The following RAPGEF2 variants were observed in gnomAD, a reference collection of about 807,000 sequenced individuals.
The protein encoded by RAPGEF2 is Rap guanine nucleotide exchange factor 2, also known as PDZ domain containing guanine nucleotide exchange factor (GEF) 1.
A neutral mutation model predicts 186.7 loss-of-function variants in RAPGEF2; 54 were observed. The observed-to-expected ratio is 0.29, with a 90% CI of 0.23 to 0.36. The LOEUF is 0.36. Ranked by LOEUF, RAPGEF2 falls within the 10% of genes least tolerant of loss-of-function variation. The pLI, the probability that RAPGEF2 is intolerant of heterozygous loss-of-function variation, is 1.00. For missense variants in RAPGEF2, 1,532 were observed against 2,045.0 expected, an observed-to-expected ratio of 0.75 and a Z score of 4.84; for synonymous variants, 712 against 705.9, an observed-to-expected ratio of 1.01 and a Z score of -0.14.
At chr4:159,326,763 C>T (rs1009307889) in intron 11 of RAPGEF2, 4 of 152,344 alleles carry the variant, frequency 2.6e-5, no homozygotes, top group Non-Finnish European at 4.4e-5. Flanking sequence ...TTTCTTTTTC[C>T]CTTCTCCTGT....
At chr4:159,147,554 A>G (rs1743079249) in intron 1 of RAPGEF2, among the ~76,000 whole-genome samples, 1 of 152,248 alleles carries the variant, frequency 6.6e-6, no homozygotes, top group Non-Finnish European at 1.5e-5. Flanking sequence ...TTAAATATTT[A>G]TAATGAATAG....
In RAPGEF2 at chr4:159,348,286, A is replaced by ATG. The variant is rs1561330238; in HGVS notation, c.3712+1288_3712+1289insTG. Among the ~76,000 whole-genome samples the ATG allele has an allele frequency of 1.7e-4, 23 of 136,354 alleles. No homozygotes were observed. In the East Asian group the frequency reaches 1.8e-3, roughly 11 times the overall value. The allele number at this position is 136,354 out of a possible 152,430, so 89.5% of individuals were successfully genotyped here. ...TGGATGGATGGATGGATGGATGGAT[A>ATG]GATAGATAAAGATATAGAGAGATAG... On this transcript the variant is annotated intron_variant, in intron 25 of 29. Coordinates refer to ENST00000691494, the MANE Select transcript of RAPGEF2 (RefSeq NM_001394067.2).
chr4:159,160,283 G>A (rs568788496), intron 1 of RAPGEF2, among the ~76,000 whole-genome samples: 9 of 152,292 alleles, frequency 5.9e-5, no homozygotes, highest in African/African-American at 1.7e-4. Flanking sequence ...CTTACAGAAA[G>A]CCAGGCACTG....
intron 9 of RAPGEF2, 140 bp downstream of exon 9, chr4:159,314,908 T>A (rs1364767358): frequency 1.5e-5 from 12 of 799,752 alleles, no homozygotes; most frequent in Non-Finnish European, 2.1e-5. Context: ...CAGTAGTATT[T>A]GTTGGACAAA....
chr4:159,186,819 G>T, intron 2 of RAPGEF2, 107 bp downstream of exon 2: 2 of 589,088 alleles, frequency 3.4e-6, no homozygotes, highest in Non-Finnish European at 2.8e-6. Context: ...CATAATAATT[G>T]TACATATTCG....
intron 7 of RAPGEF2, among the ~76,000 whole-genome samples, chr4:159,281,671 CAA>C (rs11346544): frequency 0.013 from 1,110 of 85,148 alleles, 6 homozygotes; most frequent in Admixed American, 0.02. Context: ...AACTTGATTT[CAA>C]AAAAAAAAAA....
rs73859131 is a variant in RAPGEF2, at chr4:159,331,156, G to A, written c.1468-275G>A. On this transcript the variant is annotated intron_variant, in intron 13 of 29. Transcript: ENST00000691494. ...TACACCTTTGCTTTTATTTTGATCT[G>A]TTTCAAATGCATTTTGAAAGTTAGA... Among the ~76,000 whole-genome samples the A allele has an allele frequency of 6.2e-3, 939 of 152,136 alleles. 6 individuals are homozygous for A. Among genetic ancestry groups the A allele is most frequent in the African/African-American group, 0.021 (891 of 41,528 alleles).
At chr4:159,200,830 T>C (rs985361156) in intron 3 of RAPGEF2, among the ~76,000 whole-genome samples, 69 of 152,258 alleles carry the variant, frequency 4.5e-4, no homozygotes, top group African/African-American at 1.6e-3. Flanking sequence ...TTTTAAGAAA[T>C]AGAATAAAAA....
At chr4:159,338,993 G>A in intron 18 of RAPGEF2, 121 bp from the exon 19 acceptor site, 1 of 1,165,746 alleles carries the variant, frequency 8.6e-7, no homozygotes, top group Non-Finnish European at 1.2e-6. Context: ...CTAGAGTAAG[G>A]GAGAGGTAAA....
chr4:159,303,595 A>G (rs1227456255), intron 7 of RAPGEF2, among the ~76,000 whole-genome samples: 1 of 151,966 alleles, frequency 6.6e-6, no homozygotes, highest in Non-Finnish European at 1.5e-5. Context: ...TGACGAGGGC[A>G]TAATAAGAGA....
At position 159,249,228 on chromosome 4, in the gene RAPGEF2, ATT is replaced by A. The variant is rs112503514; in HGVS notation, c.543+5447_543+5448del. Among the ~76,000 whole-genome samples the A allele has an allele frequency of 6.4e-3, 878 of 137,238 alleles. 9 individuals carry two copies. The highest frequency in any genetic ancestry group is 0.022 in the African/African-American group (839 of 37,936). 90.0% of individuals were successfully genotyped at this position (137,238 alleles called of 152,430 possible). A position where few individuals can be genotyped will look rare whatever the true frequency, so the allele number is the denominator to read the frequency against. ...CGACTGTTTCATTTCTTATCATGTG[ATT>A]TTTTTTTTTGTCATGAGATTTTGCA... is the stretch of plus-strand genomic sequence containing the variant. On this transcript the variant is annotated intron_variant, in intron 7 of 29. Coordinates refer to ENST00000691494, the MANE Select transcript of RAPGEF2 (RefSeq NM_001394067.2).
chr4:159,215,083 G>A (rs575035755), intron 4 of RAPGEF2, among the ~76,000 whole-genome samples: 2 of 152,248 alleles, frequency 1.3e-5, no homozygotes, highest in African/African-American at 2.4e-5. Context: ...GGCTGCTCTC[G>A]AACTCCTGAC....
rs772555638 is a variant in RAPGEF2, at chr4:159,343,045, A to G, written c.2985A>G (p.Glu995=). 7 of 1,614,108 alleles carry G rather than the reference A, an allele frequency of 4.3e-6. No homozygotes were observed. The South Asian group carries it at 7.7e-5, about 18-fold the overall frequency. Residue 995 remains glutamate, a synonymous_variant, in exon 21 of 30, where the codon GAA becomes GAG. Coordinates refer to ENST00000691494, the MANE Select transcript of RAPGEF2 (RefSeq NM_001394067.2). ...GGGAGAAACTTCCCAATAAATACGA[A>G]AAACTATTTCAAGATCTCCAAGACC... ...TTWEKLPNKY[E]KLFQDLQDLF...
chr4:159,191,525 G>C (rs1379903049), intron 2 of RAPGEF2, among the ~76,000 whole-genome samples: 1 of 152,166 alleles, frequency 6.6e-6, no homozygotes, highest in Non-Finnish European at 1.5e-5. Context: ...CGGATCACGA[G>C]GTCACAAGAT....
At chr4:159,119,588 A>G (rs1291968690) in intron 1 of RAPGEF2, among the ~76,000 whole-genome samples, 1 of 152,224 alleles carries the variant, frequency 6.6e-6, no homozygotes, top group African/African-American at 2.4e-5. Context: ...AGTCTTATTG[A>G]ATTATAGAGT....
chr4:159,187,861 A>G (rs1036686043), intron 2 of RAPGEF2, among the ~76,000 whole-genome samples: 2 of 152,158 alleles, frequency 1.3e-5, no homozygotes, highest in Non-Finnish European at 2.9e-5. Flanking sequence ...CTTTTTCCAT[A>G]TATTTCCCCT....
At chr4:159,279,774 G>A (rs929201952) in intron 7 of RAPGEF2, among the ~76,000 whole-genome samples, 4 of 151,958 alleles carry the variant, frequency 2.6e-5, no homozygotes, top group African/African-American at 9.7e-5. Flanking sequence ...CACCTCCTGG[G>A]TTCCTGTGAT....
At chr4:159,262,069 A>C (rs1378899091) in intron 7 of RAPGEF2, among the ~76,000 whole-genome samples, 1 of 152,186 alleles carries the variant, frequency 6.6e-6, no homozygotes, top group East Asian at 1.9e-4. Context: ...TCCCCATCTT[A>C]AACAGTGTGG....
chr4:159,198,314 CTTTCTTTCTTTCTTTCTTTCTTTT>C lies in RAPGEF2; in HGVS notation c.197+5060_197+5083del, dbSNP rs1561075101. On this transcript the variant is annotated intron_variant, in intron 3 of 29. Transcript: ENST00000691494. The stretch of plus-strand genomic sequence containing the variant: ...TCTTTCTTTCTTTCTTTCTTTCTTT[CTTTCTTTCTTTCTTTCTTTCTTTT>C]TCTTTCTCTCTCTTTCCTTCCTTCC... 2.9e-5 allele frequency among the ~76,000 whole-genome samples: 2 copies of C among 68,928 alleles called. 1 individual carries two copies. The highest frequency in any genetic ancestry group is 1.0e-4 in the African/African-American group (2 of 19,548). 45.2% of individuals were successfully genotyped at this position (68,928 alleles called of 152,430 possible).
Sources: gnomAD v4.1 joint callset for allele counts (sites outside exome capture counted in the v4.1 genomes callset) on GRCh38, gnomAD v4.1.1 for gene constraint, MANE v1.5 for transcripts, NCBI Gene and HGNC (gene_info 2026-07-23, HGNC 2026-07-21) for gene names.